KMT5B: variants seen among roughly 807,000 people sequenced by gnomAD.
The protein encoded by KMT5B is histone-lysine N-methyltransferase KMT5B.
In KMT5B, 10 loss-of-function variants were observed where a neutral mutation model predicts 83.2. The ratio of observed to expected loss-of-function variants is 0.12; its 90% CI spans 0.07 to 0.20. The LOEUF (loss-of-function observed/expected upper bound fraction) is 0.20, where lower values mean the gene tolerates loss of function less well. KMT5B is among the 10% of genes least tolerant of loss of function. The pLI, the probability that KMT5B is intolerant of heterozygous loss-of-function variation, is 1.00. For synonymous variants in KMT5B, 349 were observed against 388.8 expected (o/e 0.90, Z 1.20); for missense variants, 753 against 1,067.2 (o/e 0.71, Z 4.10).
chr11:68,210,257 A>G (rs1429877975), intron 1 of KMT5B, among the ~76,000 whole-genome samples: 2 of 148,334 alleles, frequency 1.3e-5, no homozygotes, highest in East Asian at 2.0e-4. Flanking sequence ...GGGGGGGGGG[A>G]CACTGATACC....
rs1253204725 is a variant in KMT5B at position 68,156,496 on chromosome 11, C to T, written c.*1192G>A. The T allele has an allele frequency of 6.6e-6, 1 of 152,552 alleles. No homozygotes were observed. Among genetic ancestry groups the T allele is most frequent in the Non-Finnish European group, 1.5e-5 (1 of 68,004 alleles). 9.4% of individuals were successfully genotyped at this position (152,552 alleles called of 1,614,324 possible). A position where few individuals can be genotyped will look rare whatever the true frequency, so the allele number is the denominator to read the frequency against. On this transcript the variant is annotated 3_prime_UTR_variant, in exon 11 of 11. Coordinates refer to ENST00000304363, the MANE Select transcript of KMT5B (RefSeq NM_017635.5). Reference sequence around the variant, plus strand: ...CTTTGATGTTTTCATAATAAACTAACATAAACTAACATAAGCCAAGAACTC... The same window carrying T: ...CTTTGATGTTTTCATAATAAACTAATATAAACTAACATAAGCCAAGAACTC...
intron 9 of KMT5B, among the ~76,000 whole-genome samples, chr11:68,167,863 T>C (rs148081647): frequency 0.01 from 1,530 of 152,228 alleles, 13 homozygotes; most frequent in Non-Finnish European, 0.015. Flanking sequence ...CAACGGTACA[T>C]TGTACTCCTT....
chr11:68,175,508 C>T (rs1049045486), intron 4 of KMT5B, among the ~76,000 whole-genome samples: 6 of 152,072 alleles, frequency 3.9e-5, no homozygotes, highest in Non-Finnish European at 5.9e-5. Flanking sequence ...GGTGAGCAGA[C>T]GATTCAAACA....
intron 1 of KMT5B, among the ~76,000 whole-genome samples, chr11:68,212,927 A>G (rs1861126268): frequency 7.2e-6 from 1 of 138,722 alleles, no homozygotes. Context: ...GGCCGCGGCC[A>G]CCACTGCAGG....
intron 1 of KMT5B, among the ~76,000 whole-genome samples, chr11:68,191,133 C>T (rs943243990): frequency 1.3e-5 from 2 of 150,564 alleles, no homozygotes; most frequent in Admixed American, 6.6e-5. Flanking sequence ...GTAGCTGGGA[C>T]TAGAGGCAGG....
intron 1 of KMT5B, among the ~76,000 whole-genome samples, chr11:68,191,750 G>A (rs899418964): frequency 4.5e-4 from 68 of 152,184 alleles, no homozygotes; most frequent in African/African-American, 1.6e-3. Flanking sequence ...ACAAGCTAAG[G>A]TTAATTATTG....
At chr11:68,179,985 CTAT>C in intron 4 of KMT5B, 144 bp downstream of exon 4, 1 of 937,772 alleles carries the variant, frequency 1.1e-6, no homozygotes, top group Non-Finnish European at 1.5e-6. Context: ...AAAAATACAA[CTAT>C]TATCAAACTA....
intron 1 of KMT5B, among the ~76,000 whole-genome samples, chr11:68,211,775 C>G (rs1370082240): frequency 6.6e-6 from 1 of 152,110 alleles, no homozygotes; most frequent in African/African-American, 2.4e-5. Context: ...CGACAGGGAC[C>G]AGGTATGGGA....
At chr11:68,180,853 AAAAAG>A (rs929582171) in intron 3 of KMT5B, among the ~76,000 whole-genome samples, 29 of 152,316 alleles carry the variant, frequency 1.9e-4, no homozygotes, top group African/African-American at 6.7e-4. Context: ...TTTTCTTGTT[AAAAAG>A]AAAACTTTAG....
chr11:68,204,774 G>A (rs1253678576), intron 1 of KMT5B, among the ~76,000 whole-genome samples: 2 of 151,800 alleles, frequency 1.3e-5, no homozygotes, highest in African/African-American at 2.4e-5. Flanking sequence ...CTGCTGCCAC[G>A]CCAGGCTAAT....
At chr11:68,165,859 ACT>A in intron 10 of KMT5B, 1 of 1,612,742 alleles carries the variant, frequency 6.2e-7, no homozygotes, top group Non-Finnish European at 8.5e-7. Flanking sequence ...TTATGCTTGG[ACT>A]CTGACTCCCA....
rs1244195362 is a variant in KMT5B at position 68,155,063 on chromosome 11, A to T, written c.*2625T>A. The T allele has an allele frequency of 1.3e-5, 2 of 152,266 alleles. No homozygotes were observed. Among genetic ancestry groups the T allele is most frequent in the Admixed American group, 6.5e-5 (1 of 15,290 alleles). 9.4% of individuals were successfully genotyped at this position (152,266 alleles called of 1,614,324 possible). ...CTCAGCAAAAACAATTTATAACAGT[A>T]ATTTGAAAATGATTGAAAATTGAAT... On this transcript the variant is annotated 3_prime_UTR_variant, in exon 11 of 11. Coordinates refer to ENST00000304363, the MANE Select transcript of KMT5B (RefSeq NM_017635.5).
intron 10 of KMT5B, among the ~76,000 whole-genome samples, chr11:68,163,836 A>G (rs536830274): frequency 3.3e-5 from 5 of 152,216 alleles, no homozygotes; most frequent in East Asian, 3.8e-4. Flanking sequence ...AACTCTTGAC[A>G]TGAGTGACAG....
At position 68,158,805 on chromosome 11, in the gene KMT5B, G is replaced by A. The variant is rs200451582; in HGVS notation, c.1541C>T (p.Ala514Val). ...CACAGGATTCTGTCTGTGTTCTCTC[G>A]CCGCGTGTCTAGTCAAGCACCCGCT... ...VASGCLTRHA[A>V]REHRQNPVRG... Residue 514 changes from alanine (A) to valine (V), a missense_variant, in exon 11 of 11, where the codon GCG becomes GTG. By Grantham distance (64) the Ala-to-Val change is moderately conservative. This residue lies in a region of KMT5B where 397 missense variants were observed against 395.9 expected (regional missense o/e 1.00). Transcript: ENST00000304363. 74 of 1,614,086 alleles carry A rather than the reference G, an allele frequency of 4.6e-5. No individual in the cohort carries two copies. Among genetic ancestry groups the A allele is most frequent in the Non-Finnish European group, 5.1e-5 (60 of 1,180,036 alleles).
intron 2 of KMT5B, 26 bp downstream of exon 2, chr11:68,189,891 C>A: frequency 6.3e-7 from 1 of 1,597,266 alleles, no homozygotes; most frequent in African/African-American, 1.3e-5. Context: ...ACAATCAGAA[C>A]ATTGAAGGTT....
chr11:68,189,841 A>G lies in KMT5B; in HGVS notation c.160+76T>C, dbSNP rs77360421. ...AATTATTTAAGACAAAAGAAAACAGAATACACATTACAAACTGGAAAGAAT... is the reference window on the plus strand; with the variant it reads ...AATTATTTAAGACAAAAGAAAACAGGATACACATTACAAACTGGAAAGAAT... On this transcript the variant is annotated intron_variant, in intron 2 of 10. Coordinates refer to ENST00000304363, the MANE Select transcript of KMT5B (RefSeq NM_017635.5). The G allele has an allele frequency of 4.0e-4, 560 of 1,397,236 alleles. 3 individuals carry two copies. The East Asian group carries it at 0.012, about 29-fold the overall frequency. The allele number at this position is 1,397,236 out of a possible 1,614,324, so 86.6% of individuals were successfully genotyped here.
intron 1 of KMT5B, among the ~76,000 whole-genome samples, chr11:68,198,849 C>G (rs1465947746): frequency 6.6e-6 from 1 of 152,206 alleles, no homozygotes; most frequent in African/African-American, 2.4e-5. Flanking sequence ...CCTGCCTCAA[C>G]CTCCTGAGTA....
In KMT5B at chr11:68,210,184, TA is replaced by T. The variant is rs1265109594; in HGVS notation, c.-77+2953del. On this transcript the variant is annotated intron_variant, in intron 1 of 10. Transcript: ENST00000304363. The stretch of plus-strand genomic sequence containing the variant: ...TAGTGTGCTATTACAACAGACAAAC[TA>T]AGACAGCTTATAGAAATGCAACTGG... 1.1e-4 allele frequency among the ~76,000 whole-genome samples: 17 copies of T among 152,134 alleles called. No homozygotes were observed. In the East Asian group the frequency reaches 2.5e-3, roughly 23 times the overall value.
intron 1 of KMT5B, among the ~76,000 whole-genome samples, chr11:68,204,971 AAC>A (rs982534711): frequency 1.3e-5 from 2 of 152,152 alleles, no homozygotes; most frequent in African/African-American, 4.8e-5. Context: ...GTGACCACAT[AAC>A]AGAGATTATG....
Sources: allele counts gnomAD v4.1 joint callset (sites outside exome capture counted in the v4.1 genomes callset), GRCh38; gene constraint gnomAD v4.1.1; regional missense constraint gnomAD v4.1.1; transcripts MANE v1.5; gene names NCBI Gene and HGNC (gene_info 2026-07-23, HGNC 2026-07-21).